The following CEP76 variants were observed in gnomAD, a reference collection of about 807,000 sequenced individuals.
CEP76 encodes the protein centrosomal protein of 76 kDa.
Under a neutral mutation model 83.3 loss-of-function variants are expected in CEP76, and 55 were observed. That is an observed-to-expected ratio of 0.66 (90% CI 0.53 to 0.83). The LOEUF is 0.83. Among genes scored for constraint, CEP76 ranks in the 40% least tolerant of loss-of-function variants. CEP76 has a pLI of 0.00. For synonymous variants in CEP76, 270 were observed against 274.5 expected, an observed-to-expected ratio of 0.98 and a Z score of 0.16; for missense variants, 694 against 799.5, an observed-to-expected ratio of 0.87 and a Z score of 1.59.
intron 2 of CEP76, 200 bp from the exon 3 acceptor site, chr18:12,700,105 A>C: frequency 2.7e-6 from 1 of 374,302 alleles, no homozygotes; most frequent in Non-Finnish European, 4.8e-6. Flanking sequence ...CACTCCTAAA[A>C]TCAAATGCTA....
At chr18:12,697,638 G>A (rs939645079) in intron 4 of CEP76, among the ~76,000 whole-genome samples, 12 of 152,174 alleles carry the variant, frequency 7.9e-5, no homozygotes, top group Non-Finnish European at 1.8e-4. Flanking sequence ...GTAACTTACA[G>A]CATATCAGTG....
intron 5 of CEP76, among the ~76,000 whole-genome samples, chr18:12,695,852 CCACACA>C (rs375916938): frequency 0.042 from 6,270 of 148,350 alleles, 369 homozygotes; most frequent in African/African-American, 0.13. Context: ...CATTCCTTCT[CCACACA>C]CACACACACA....
intron 3 of CEP76, 58 bp from the exon 4 acceptor site, chr18:12,699,261 C>A: frequency 8.3e-7 from 1 of 1,197,652 alleles, no homozygotes; most frequent in Non-Finnish European, 1.2e-6. Context: ...AGAATGTGAT[C>A]AAGACATTAG....
At chr18:12,667,651 C>T (rs1467929197), downstream of CEP76, among the ~76,000 whole-genome samples, 1 of 150,968 alleles carries the variant, frequency 6.6e-6, no homozygotes, top group Non-Finnish European at 1.5e-5. Flanking sequence ...CTCCCAGCTA[C>T]TCGGGAGGCT....
intron 11 of CEP76, 143 bp from the exon 12 acceptor site, chr18:12,673,646 G>GA (rs2039011033): frequency 1.8e-6 from 1 of 542,086 alleles, no homozygotes; most frequent in East Asian, 4.1e-5. Context: ...TTGGGAGGCC[G>GA]AGACAGGTGG....
downstream of CEP76, among the ~76,000 whole-genome samples, chr18:12,672,010 G>C (rs1353693019): frequency 6.6e-6 from 1 of 151,604 alleles, no homozygotes; most frequent in African/African-American, 2.4e-5. Flanking sequence ...AGTAGAGACA[G>C]GGTTTCACTG....
At chr18:12,690,349 A>G (rs548401748) in intron 7 of CEP76, among the ~76,000 whole-genome samples, 1 of 152,328 alleles carries the variant, frequency 6.6e-6, no homozygotes, top group Non-Finnish European at 1.5e-5. Context: ...TTAAAATAAT[A>G]TACTACACTA....
intron 10 of CEP76, among the ~76,000 whole-genome samples, chr18:12,676,352 C>T (rs755720561): frequency 1.5e-4 from 21 of 140,738 alleles, no homozygotes; most frequent in Non-Finnish European, 2.4e-4. Flanking sequence ...GGCACAATCT[C>T]GGCTCACTGC....
At chr18:12,694,774 C>T (rs1185938013) in intron 6 of CEP76, among the ~76,000 whole-genome samples, 5 of 150,442 alleles carry the variant, frequency 3.3e-5, no homozygotes, top group Admixed American at 1.3e-4. Context: ...TGCACTGGTG[C>T]GATCTGGGCT....
chr18:12,671,779 T>C (rs2038953699), downstream of CEP76, among the ~76,000 whole-genome samples: 1 of 151,996 alleles, frequency 6.6e-6, no homozygotes, highest in Admixed American at 6.6e-5. Context: ...TAGCTTGGAT[T>C]ATGGGTGTGT....
chr18:12,682,313 C>T (rs1386927799), intron 8 of CEP76, among the ~76,000 whole-genome samples: 1 of 152,120 alleles, frequency 6.6e-6, no homozygotes, highest in Non-Finnish European at 1.5e-5. Context: ...CCTCAGCCTC[C>T]TGAATAGCTG....
intron 2 of CEP76, among the ~76,000 whole-genome samples, chr18:12,700,668 A>G (rs1235340791): frequency 6.6e-6 from 1 of 152,222 alleles, no homozygotes; most frequent in Non-Finnish European, 1.5e-5. Flanking sequence ...TGGTGAACTA[A>G]TTGGACTAAA....
chr18:12,662,279 T>C, intron 12 of CEP76: 1 of 393,278 alleles, frequency 2.5e-6, no homozygotes, highest in South Asian at 1.9e-5. Flanking sequence ...GTAGTGCTAT[T>C]TATACTTTCA....
chr18:12,667,004 A>G (rs2038817340), intron 12 of CEP76, among the ~76,000 whole-genome samples: 1 of 152,176 alleles, frequency 6.6e-6, no homozygotes. Context: ...ATTCTGATAA[A>G]TTAAGATGTA....
intron 12 of CEP76, among the ~76,000 whole-genome samples, chr18:12,662,657 A>T (rs2038717543): frequency 6.6e-6 from 1 of 152,178 alleles, no homozygotes; most frequent in Non-Finnish European, 1.5e-5. Context: ...CACACCTATA[A>T]TCCCAGCTGC....
chr18:12,683,338 C>T (rs941175932), intron 8 of CEP76, among the ~76,000 whole-genome samples: 11 of 142,534 alleles, frequency 7.7e-5, no homozygotes, highest in African/African-American at 2.1e-4. Context: ...GGCGACAGAG[C>T]GAGACCCCGT....
intron 8 of CEP76, 80 bp from the exon 9 acceptor site, chr18:12,680,908 A>G: frequency 2.3e-6 from 3 of 1,287,846 alleles, no homozygotes; most frequent in Non-Finnish European, 2.1e-6. Flanking sequence ...ATTATAATAA[A>G]AATTTATTGG....
chr18:12,664,340 G>T (rs1444994072), intron 12 of CEP76, among the ~76,000 whole-genome samples: 1 of 151,836 alleles, frequency 6.6e-6, no homozygotes, highest in African/African-American at 2.4e-5. Context: ...CCAGGAGATC[G>T]AGACCATCCT....
At chr18:12,678,475 C>T in intron 9 of CEP76, 33 bp from the exon 10 acceptor site, 3 of 1,440,454 alleles carry the variant, frequency 2.1e-6, no homozygotes. Context: ...TATATGAGAA[C>T]TTAAAAATTA....
Sources: gnomAD v4.1 joint callset for allele counts (sites outside exome capture counted in the v4.1 genomes callset) on GRCh38, gnomAD v4.1.1 for gene constraint, MANE v1.5 for transcripts, NCBI Gene and HGNC (gene_info 2026-07-23, HGNC 2026-07-21) for gene names.